The following LRRC4C variants were observed in gnomAD, a reference collection of about 807,000 sequenced individuals.
LRRC4C encodes the protein leucine rich repeat containing 4C.
In LRRC4C, 5 loss-of-function variants were observed where a neutral mutation model predicts 33.6. The observed-to-expected ratio is 0.15, with a 90% CI of 0.08 to 0.31. The LOEUF is 0.31. Ranked by LOEUF, LRRC4C falls within the 10% of genes least tolerant of loss-of-function variation. The pLI is 1.00. For missense variants in LRRC4C, 560 were observed against 796.7 expected, an observed-to-expected ratio of 0.70 and a Z score of 3.58; for synonymous variants, 329 against 302.0, an observed-to-expected ratio of 1.09 and a Z score of -0.93.
intron 1 of LRRC4C, among the ~76,000 whole-genome samples, chr11:41,177,618 A>T (rs995697431): frequency 1.3e-5 from 2 of 152,302 alleles, no homozygotes; most frequent in East Asian, 3.9e-4. Flanking sequence ...CTTCATTTGG[A>T]TGAGTCAATT....
At chr11:40,438,151 C>T (rs1157235461) in intron 3 of LRRC4C, among the ~76,000 whole-genome samples, 1 of 152,178 alleles carries the variant, frequency 6.6e-6, no homozygotes, top group Non-Finnish European at 1.5e-5. Context: ...TACTGTTTTT[C>T]ACCACTAGGC....
At chr11:40,877,675 T>A (rs1288769633) in intron 2 of LRRC4C, among the ~76,000 whole-genome samples, 1 of 152,126 alleles carries the variant, frequency 6.6e-6, no homozygotes, top group Non-Finnish European at 1.5e-5. Context: ...AGCAATGCGG[T>A]TAGCCACTAA....
intron 1 of LRRC4C, among the ~76,000 whole-genome samples, chr11:41,219,917 T>C (rs1373424510): frequency 2.0e-5 from 3 of 152,134 alleles, no homozygotes; most frequent in Non-Finnish European, 4.4e-5. Context: ...TGAAGGATAA[T>C]TGAAGGGATT....
intron 1 of LRRC4C, among the ~76,000 whole-genome samples, chr11:41,106,531 T>C (rs1392804460): frequency 6.6e-6 from 1 of 152,032 alleles, no homozygotes; most frequent in Non-Finnish European, 1.5e-5. Flanking sequence ...TATCCAGGAC[T>C]ATGTAATTCA....
intron 3 of LRRC4C, among the ~76,000 whole-genome samples, chr11:40,597,858 T>C (rs1287828992): frequency 6.6e-6 from 1 of 152,152 alleles, no homozygotes; most frequent in Non-Finnish European, 1.5e-5. Flanking sequence ...CTCAGTAACA[T>C]GAGGAAAGTT....
At chr11:40,963,998 G>A (rs1038070478) in intron 1 of LRRC4C, among the ~76,000 whole-genome samples, 1 of 151,430 alleles carries the variant, frequency 6.6e-6, no homozygotes, top group African/African-American at 2.4e-5. Context: ...GGTGGTCTTG[G>A]ATCATTATTT....
chr11:40,903,710 A>G (rs2136208809), intron 2 of LRRC4C, among the ~76,000 whole-genome samples: 1 of 152,272 alleles, frequency 6.6e-6, no homozygotes, highest in South Asian at 2.1e-4. Flanking sequence ...ATGGGGTACA[A>G]AAAATAGTTA....
At chr11:40,388,131 T>C (rs549235733) in intron 3 of LRRC4C, among the ~76,000 whole-genome samples, 2 of 152,290 alleles carry the variant, frequency 1.3e-5, no homozygotes, top group South Asian at 2.1e-4. Flanking sequence ...TACTGACTTA[T>C]TTAACCTTCG....
chr11:41,134,824 G>C (rs1461409678), intron 1 of LRRC4C, among the ~76,000 whole-genome samples: 1 of 152,032 alleles, frequency 6.6e-6, no homozygotes, highest in African/African-American at 2.4e-5. Flanking sequence ...ATATCATTTA[G>C]GGTGGATACA....
chr11:40,245,820 G>A (rs1866284999), intron 4 of LRRC4C, among the ~76,000 whole-genome samples: 1 of 151,806 alleles, frequency 6.6e-6, no homozygotes, highest in Non-Finnish European at 1.5e-5. Context: ...TTGGGGCTTA[G>A]TGTTCAATAA....
intron 1 of LRRC4C, among the ~76,000 whole-genome samples, chr11:41,091,797 C>G (rs1436571883): frequency 6.6e-6 from 1 of 152,066 alleles, no homozygotes; most frequent in East Asian, 1.9e-4. Flanking sequence ...AACCAGGTGG[C>G]TGGCGTGTAA....
intron 1 of LRRC4C, among the ~76,000 whole-genome samples, chr11:41,012,477 T>G (rs986976417): frequency 6.6e-6 from 1 of 152,224 alleles, no homozygotes; most frequent in Non-Finnish European, 1.5e-5. Context: ...TCTTTATCCA[T>G]TCATCCACTG....
At chr11:40,720,795 C>G (rs1433172089) in intron 2 of LRRC4C, among the ~76,000 whole-genome samples, 1 of 152,092 alleles carries the variant, frequency 6.6e-6, no homozygotes, top group East Asian at 1.9e-4. Context: ...AGAATAAAAT[C>G]TTGGTGATTT....
At chr11:41,047,954 C>G (rs1243251977) in intron 1 of LRRC4C, among the ~76,000 whole-genome samples, 1 of 152,130 alleles carries the variant, frequency 6.6e-6, no homozygotes, top group Non-Finnish European at 1.5e-5. Flanking sequence ...AGGTTTTTCT[C>G]CCCTTTCTGA....
intron 2 of LRRC4C, among the ~76,000 whole-genome samples, chr11:40,868,167 G>T (rs1049753693): frequency 1.3e-5 from 2 of 152,200 alleles, no homozygotes; most frequent in South Asian, 4.2e-4. Flanking sequence ...CATTGGAATG[G>T]CTGGGGGATG....
intron 3 of LRRC4C, among the ~76,000 whole-genome samples, chr11:40,618,185 G>A (rs1962056691): frequency 6.6e-6 from 1 of 151,578 alleles, no homozygotes; most frequent in Non-Finnish European, 1.5e-5. Context: ...TTAAAGTGAG[G>A]TCATATAAGA....
chr11:40,657,902 A>T (rs556312867), intron 2 of LRRC4C, among the ~76,000 whole-genome samples: 1 of 152,290 alleles, frequency 6.6e-6, no homozygotes, highest in Non-Finnish European at 1.5e-5. Context: ...ATGTCCAGTT[A>T]TATCTATAAT....
At chr11:40,903,126 C>A (rs1956277167) in intron 2 of LRRC4C, among the ~76,000 whole-genome samples, 1 of 152,112 alleles carries the variant, frequency 6.6e-6, no homozygotes. Context: ...AGGGCTAATG[C>A]AGCTGGTGTC....
Position 41,133,581 on chromosome 11 carries a change from C to T in LRRC4C, c.-495-199858G>A, listed in dbSNP as rs188337599. Among the ~76,000 whole-genome samples the T allele has an allele frequency of 3.1e-3, 452 of 147,042 alleles. 4 individuals are homozygous for T. Among genetic ancestry groups the T allele is most frequent in the African/African-American group, 0.011 (430 of 39,322 alleles). On this transcript the variant is annotated intron_variant, in intron 1 of 6. Transcript: ENST00000528697. ...TTTCAGTCATAATGGGAATGGAGGTCGGACAAACCTCATTATACTCCCTCC... is the reference window on the plus strand; with the variant it reads ...TTTCAGTCATAATGGGAATGGAGGTTGGACAAACCTCATTATACTCCCTCC...
Sources: allele counts gnomAD v4.1 joint callset (sites outside exome capture counted in the v4.1 genomes callset), GRCh38; gene constraint gnomAD v4.1.1; transcripts MANE v1.5; gene names NCBI Gene and HGNC (gene_info 2026-07-23, HGNC 2026-07-21).